NUP155: variants seen among roughly 807,000 people sequenced by gnomAD.
The protein encoded by NUP155 is nucleoporin 155, also known as nuclear pore complex protein Nup155.
NUP155 carries 71 observed loss-of-function variants against 180.4 expected under a neutral mutation model. That is an observed-to-expected ratio of 0.39 (90% CI 0.33 to 0.48). The LOEUF is 0.48. Ranked by LOEUF, NUP155 falls within the 20% of genes least tolerant of loss-of-function variation. The pLI, the probability that NUP155 is intolerant of heterozygous loss-of-function variation, is 0.91. For synonymous variants in NUP155, 582 were observed against 559.5 expected (o/e 1.04, Z -0.57); for missense variants, 1,553 against 1,648.9 (o/e 0.94, Z 1.01).
At chr5:37,309,075 T>C in intron 24 of NUP155, 54 bp downstream of exon 24, 1 of 1,581,972 alleles carries the variant, frequency 6.3e-7, no homozygotes, top group South Asian at 1.1e-5. Context: ...ATTCATACAC[T>C]ATTGTTTGTC....
intron 8 of NUP155, 31 bp from the exon 9 acceptor site, chr5:37,348,627 A>T: frequency 8.4e-7 from 1 of 1,188,278 alleles, no homozygotes; most frequent in African/African-American, 1.5e-5. Flanking sequence ...TCACTTAAAC[A>T]TGATTATATA....
chr5:37,302,965 A>G, intron 28 of NUP155, 57 bp from the exon 29 acceptor site: 1 of 1,557,574 alleles, frequency 6.4e-7, no homozygotes. Flanking sequence ...TGATGATACA[A>G]ATACGTCAAT....
Position 37,308,270 on chromosome 5 carries a change from C to T in NUP155, c.2768-838G>A, listed in dbSNP as rs1484849017. On this transcript the variant is annotated intron_variant, in intron 24 of 34. Coordinates refer to ENST00000231498, the MANE Select transcript of NUP155 (RefSeq NM_153485.3). ...TCTAATGCTAAAAAGTTATACATTTCGGCTGGGCGCAGTGGCTCATGTCTG... is the reference window on the plus strand; with the variant it reads ...TCTAATGCTAAAAAGTTATACATTTTGGCTGGGCGCAGTGGCTCATGTCTG... Among the ~76,000 whole-genome samples, 3 of 152,122 alleles carry T rather than the reference C, an allele frequency of 2.0e-5. No homozygotes were observed. The East Asian group carries it at 5.8e-4, about 29-fold the overall frequency.
At chr5:37,313,542 CCA>C (rs1215696754) in intron 22 of NUP155, among the ~76,000 whole-genome samples, 3 of 150,398 alleles carry the variant, frequency 2.0e-5, no homozygotes, top group African/African-American at 7.4e-5. Flanking sequence ...ACTCTGTCAC[CCA>C]GGCTGGGGTG....
intron 21 of NUP155, among the ~76,000 whole-genome samples, chr5:37,316,096 T>A (rs1242449812): frequency 3.3e-5 from 5 of 152,208 alleles, no homozygotes; most frequent in Non-Finnish European, 7.3e-5. Context: ...AGGCTTTAAT[T>A]TGTATTTGTT....
At chr5:37,350,414 T>C (rs1425907916) in intron 6 of NUP155, 149 bp from the exon 7 acceptor site, 3 of 628,966 alleles carry the variant, frequency 4.8e-6, no homozygotes, top group African/African-American at 3.7e-5. Context: ...AAACGAGACA[T>C]ATTATTCAAA....
At chr5:37,344,451 A>G (rs1238450696) in intron 9 of NUP155, among the ~76,000 whole-genome samples, 1 of 150,840 alleles carries the variant, frequency 6.6e-6, no homozygotes, top group Non-Finnish European at 1.5e-5. Flanking sequence ...ATATATTCAG[A>G]AATTTGTATA....
rs912846922 is a variant in NUP155 at position 37,304,762 on chromosome 5, C to T, written c.3139G>A (p.Asp1047Asn). ...IALYNWLIQV[D>N]LADKLLQVAS... is the part of the protein sequence containing the mutation. ...ACCTGTAGCAGCTTATCTGCAAGGTCGACTTGTATTAGCCAATTATAAAGG... is the reference window on the plus strand; with the variant it reads ...ACCTGTAGCAGCTTATCTGCAAGGTTGACTTGTATTAGCCAATTATAAAGG... Residue 1047 changes from aspartate to asparagine, a missense_variant, in exon 27 of 35, where the codon GAC becomes AAC. Transcript: ENST00000231498. The T allele has an allele frequency of 1.2e-5, 20 of 1,612,258 alleles. No homozygotes were observed. The highest frequency in any genetic ancestry group is 2.7e-5 in the African/African-American group (2 of 74,878).
intron 21 of NUP155, 32 bp from the exon 22 acceptor site, chr5:37,314,360 A>T (rs746088754): frequency 3.4e-6 from 5 of 1,491,448 alleles, no homozygotes; most frequent in Non-Finnish European, 3.7e-6. Flanking sequence ...TTATTATAAA[A>T]TAACATAGGT....
At chr5:37,370,546 G>C in intron 1 of NUP155, 4 of 852,814 alleles carry the variant, frequency 4.7e-6, no homozygotes, top group Non-Finnish European at 6.8e-6. Context: ...AAGCACTTGA[G>C]AGCGGCGAGA....
intron 1 of NUP155, among the ~76,000 whole-genome samples, chr5:37,365,704 T>C (rs1390373975): frequency 1.5e-5 from 1 of 68,098 alleles, no homozygotes; most frequent in African/African-American, 5.5e-5. Context: ...CAAGACTCTG[T>C]CTCGGGGAGA....
chr5:37,294,541 A>C, intron 32 of NUP155, 76 bp from the exon 33 acceptor site: 2 of 1,422,882 alleles, frequency 1.4e-6, no homozygotes, highest in Non-Finnish European at 2.0e-6. Context: ...TTCATAACTG[A>C]ATAGTTTCTA....
chr5:37,340,306 T>G (rs919671917), intron 11 of NUP155, among the ~76,000 whole-genome samples: 2 of 151,938 alleles, frequency 1.3e-5, no homozygotes, highest in Non-Finnish European at 2.9e-5. Context: ...CCGGGTGTGG[T>G]GGCACACACC....
intron 3 of NUP155, among the ~76,000 whole-genome samples, chr5:37,360,285 C>A (rs559299583): frequency 1.3e-5 from 2 of 151,484 alleles, no homozygotes; most frequent in African/African-American, 4.9e-5. Flanking sequence ...AGATCGAGAC[C>A]GTCCTGGCCA....
intron 11 of NUP155, among the ~76,000 whole-genome samples, chr5:37,339,934 G>A (rs1379980832): frequency 2.0e-5 from 3 of 152,028 alleles, no homozygotes; most frequent in Non-Finnish European, 4.4e-5. Context: ...GCTAATTTTT[G>A]TATTTTTAGT....
chr5:37,312,176 A>G (rs1211509352), intron 22 of NUP155, among the ~76,000 whole-genome samples: 1 of 152,176 alleles, frequency 6.6e-6, no homozygotes, highest in Non-Finnish European at 1.5e-5. Flanking sequence ...GAATCCAGCA[A>G]TTTATCTTAG....
intron 32 of NUP155, among the ~76,000 whole-genome samples, chr5:37,295,740 C>T (rs1477774601): frequency 1.3e-5 from 2 of 151,670 alleles, no homozygotes; most frequent in African/African-American, 2.4e-5. Flanking sequence ...CCGGCCACCC[C>T]GTCTGAGAAG....
intron 18 of NUP155, 120 bp downstream of exon 18, chr5:37,327,509 A>G (rs1253699191): frequency 3.9e-6 from 4 of 1,035,024 alleles, no homozygotes; most frequent in African/African-American, 3.2e-5. Context: ...TTGATCAACA[A>G]GTGAGCTAAA....
chr5:37,334,450 A>T (rs1246421965), intron 12 of NUP155, among the ~76,000 whole-genome samples: 1 of 151,302 alleles, frequency 6.6e-6, no homozygotes, highest in Non-Finnish European at 1.5e-5. Context: ...GCCTAATCAG[A>T]GCCCACTGTA....
Sources: allele counts gnomAD v4.1 joint callset (sites outside exome capture counted in the v4.1 genomes callset), GRCh38; gene constraint gnomAD v4.1.1; transcripts MANE v1.5; gene names NCBI Gene and HGNC (gene_info 2026-07-23, HGNC 2026-07-21).